CDH11: variants seen among roughly 807,000 people sequenced by gnomAD.
CDH11 encodes cadherin-11.
Under a neutral mutation model 67.8 loss-of-function variants are expected in CDH11, and 11 were observed. The observed-to-expected ratio is 0.16, with a 90% CI of 0.10 to 0.27. The LOEUF is 0.27. Ranked by LOEUF, CDH11 falls within the 10% of genes least tolerant of loss-of-function variation. The probability of loss-of-function intolerance (pLI) is 1.00; values close to 1 mark genes in which losing one functional copy is unlikely to be tolerated. For synonymous variants in CDH11, 419 were observed against 400.0 expected (o/e 1.05, Z -0.57); for missense variants, 847 against 1,031.2 (o/e 0.82, Z 2.45).
At chr16:65,042,917 G>A (rs964866722) in intron 2 of CDH11, among the ~76,000 whole-genome samples, 1 of 152,146 alleles carries the variant, frequency 6.6e-6, no homozygotes, top group Admixed American at 6.5e-5. Context: ...TTCTCTAACA[G>A]GGTGGGAAAA....
At chr16:64,953,291 TAC>T (rs200359207) in intron 11 of CDH11, among the ~76,000 whole-genome samples, 1 of 137,702 alleles carries the variant, frequency 7.3e-6, no homozygotes, top group Non-Finnish European at 1.7e-5. Flanking sequence ...TGTATGTATA[TAC>T]ACACACATAT....
intron 1 of CDH11, among the ~76,000 whole-genome samples, chr16:65,100,894 C>A (rs911087845): frequency 1.3e-5 from 2 of 152,112 alleles, no homozygotes. Context: ...GTAATGATAT[C>A]TGAAAAAACA....
At chr16:64,997,336 T>TAAAC (rs1555516742) in intron 4 of CDH11, among the ~76,000 whole-genome samples, 42 of 120,052 alleles carry the variant, frequency 3.5e-4, no homozygotes, top group African/African-American at 9.7e-4. Context: ...AATAAATAAA[T>TAAAC]AAACAAACCT....
chr16:65,046,786 A>G (rs1230219375), intron 2 of CDH11, among the ~76,000 whole-genome samples: 1 of 152,194 alleles, frequency 6.6e-6, no homozygotes, highest in African/African-American at 2.4e-5. Context: ...AGCAAAACAA[A>G]GGGAAAAACT....
At chr16:65,062,105 T>A (rs1196436710) in intron 1 of CDH11, among the ~76,000 whole-genome samples, 11 of 152,188 alleles carry the variant, frequency 7.2e-5, no homozygotes, top group Admixed American at 7.2e-4. Context: ...AGTAGTCCAA[T>A]GATTTAAAAG....
rs143053166 is a variant in CDH11, at chr16:64,978,588, T to C, written c.1253+3460A>G. On this transcript the variant is annotated intron_variant, in intron 8 of 12. Coordinates refer to ENST00000268603, the MANE Select transcript of CDH11 (RefSeq NM_001797.4). ...TGGTACTGCTGTATGGATAGACATA[T>C]AATTAATGCAATGTAATCAACAGTA... Among the ~76,000 whole-genome samples, 341 of 152,314 alleles carry C rather than the reference T, an allele frequency of 2.2e-3. 3 individuals carry two copies. The highest frequency in any genetic ancestry group is 7.5e-3 in the African/African-American group (313 of 41,564).
intron 2 of CDH11, among the ~76,000 whole-genome samples, chr16:65,025,363 G>T (rs948252605): frequency 3.3e-5 from 5 of 152,248 alleles, no homozygotes; most frequent in Non-Finnish European, 2.9e-5. Context: ...ATGAGACAGA[G>T]TCTCGCTCTG....
At chr16:64,994,909 A>G (rs2072726804) in intron 4 of CDH11, among the ~76,000 whole-genome samples, 1 of 152,176 alleles carries the variant, frequency 6.6e-6, no homozygotes, top group South Asian at 2.1e-4. Flanking sequence ...ATTTCTATAC[A>G]TCAATAACAC....
chr16:64,964,708 C>G (rs538150589), intron 11 of CDH11, among the ~76,000 whole-genome samples: 183 of 152,052 alleles, frequency 1.2e-3, no homozygotes, highest in Middle Eastern at 6.8e-3. Flanking sequence ...GCCACCACAC[C>G]CGGATAATTT....
At chr16:65,029,016 C>A (rs1369634332) in intron 2 of CDH11, among the ~76,000 whole-genome samples, 1 of 152,160 alleles carries the variant, frequency 6.6e-6, no homozygotes, top group African/African-American at 2.4e-5. Context: ...ATCTGCTGTA[C>A]AACGTTGTAC....
intron 1 of CDH11, among the ~76,000 whole-genome samples, chr16:65,056,167 T>G: frequency 6.6e-6 from 1 of 152,232 alleles, no homozygotes; most frequent in African/African-American, 2.4e-5. Flanking sequence ...GAACGCTTGC[T>G]CTAGGAGAAG....
At chr16:64,970,974 A>C (rs1333534291) in intron 11 of CDH11, among the ~76,000 whole-genome samples, 1 of 152,218 alleles carries the variant, frequency 6.6e-6, no homozygotes, top group Non-Finnish European at 1.5e-5. Context: ...AAAAACAAAA[A>C]CATCTATTTC....
chr16:65,054,633 G>T (rs1480613364), intron 1 of CDH11, among the ~76,000 whole-genome samples: 1 of 152,134 alleles, frequency 6.6e-6, no homozygotes, highest in Admixed American at 6.5e-5. Flanking sequence ...ATGCATATTT[G>T]TTGAGTGAAT....
At position 65,078,793 on chromosome 16, in the gene CDH11, G is replaced by A. The variant is rs1292102929; in HGVS notation, c.-297-24865C>T. Among the ~76,000 whole-genome samples, 8 of 152,232 alleles carry A rather than the reference G, an allele frequency of 5.3e-5. No individual in the cohort carries two copies. The East Asian group carries it at 1.4e-3, about 26-fold the overall frequency. On this transcript the variant is annotated intron_variant, in intron 1 of 12. Transcript: ENST00000268603. ...AGACTCCAGATCCTCATTTCACAGG[G>A]GAGAAAACTGAGGGAACCATGTGCA...
At chr16:65,096,329 T>C (rs891735319) in intron 1 of CDH11, among the ~76,000 whole-genome samples, 20 of 152,110 alleles carry the variant, frequency 1.3e-4, no homozygotes, top group Admixed American at 4.6e-4. Context: ...CAGCCTAAGG[T>C]ATTTTGTTAA....
At chr16:64,970,701 C>T (rs1437696619) in intron 11 of CDH11, among the ~76,000 whole-genome samples, 2 of 152,184 alleles carry the variant, frequency 1.3e-5, no homozygotes, top group South Asian at 2.1e-4. Context: ...GGAAAGCAAT[C>T]AACCTATGGC....
chr16:65,004,034 T>C (rs1035223762), intron 3 of CDH11, among the ~76,000 whole-genome samples: 1 of 151,384 alleles, frequency 6.6e-6, no homozygotes, highest in African/African-American at 2.4e-5. Flanking sequence ...AAATAAATTA[T>C]GGCTATGTGC....
At chr16:65,119,370 A>T (rs954336309) in intron 1 of CDH11, among the ~76,000 whole-genome samples, 2 of 152,198 alleles carry the variant, frequency 1.3e-5, no homozygotes, top group Non-Finnish European at 2.9e-5. Flanking sequence ...AAATTGCGCC[A>T]TAACTATTTT....
intron 2 of CDH11, among the ~76,000 whole-genome samples, chr16:65,036,605 G>A (rs1398999808): frequency 1.3e-5 from 2 of 152,120 alleles, no homozygotes; most frequent in Non-Finnish European, 1.5e-5. Context: ...AAAGGGGCCT[G>A]TTCTTCTTCC....
Sources: gnomAD v4.1 joint callset for allele counts (sites outside exome capture counted in the v4.1 genomes callset) on GRCh38, gnomAD v4.1.1 for gene constraint, MANE v1.5 for transcripts, NCBI Gene and HGNC (gene_info 2026-07-23, HGNC 2026-07-21) for gene names.